The following OSBPL10 variants were observed in gnomAD, a reference collection of about 807,000 sequenced individuals.
The protein encoded by OSBPL10 is oxysterol binding protein like 10.
A neutral mutation model predicts 81.7 loss-of-function variants in OSBPL10; 49 were observed. The observed-to-expected ratio is 0.60, with a 90% CI of 0.48 to 0.76. The LOEUF (loss-of-function observed/expected upper bound fraction) is 0.76. Among genes scored for constraint, OSBPL10 ranks in the 30% least tolerant of loss-of-function variants. The probability of loss-of-function intolerance (pLI) is 0.00; values close to 1 mark genes in which losing one functional copy is unlikely to be tolerated. For missense variants in OSBPL10, 923 were observed against 987.8 expected, an observed-to-expected ratio of 0.93 and a Z score of 0.88; for synonymous variants, 419 against 383.6, an observed-to-expected ratio of 1.09 and a Z score of -1.08.
chr3:32,033,575 A>C (rs1426356312), intron 2 of OSBPL10, among the ~76,000 whole-genome samples: 2 of 152,344 alleles, frequency 1.3e-5, no homozygotes, highest in South Asian at 2.1e-4. Context: ...AAGTGATATC[A>C]ACTTCCCTAG....
chr3:32,028,981 C>CAT (rs1252127228), intron 2 of OSBPL10, among the ~76,000 whole-genome samples: 631 of 149,040 alleles, frequency 4.2e-3, no homozygotes, highest in Non-Finnish European at 7.7e-3. Context: ...CACACACACA[C>CAT]ACACACACCA....
In OSBPL10 at chr3:31,865,748, A is replaced by G. The variant is rs77897068; in HGVS notation, c.537+10685T>C. ...GACCCTAAAATTGCTTAATCATATAAAAGAGGTATTCAGTGTCATTTGTCA... is the reference window on the plus strand; with the variant it reads ...GACCCTAAAATTGCTTAATCATATAGAAGAGGTATTCAGTGTCATTTGTCA... On this transcript the variant is annotated intron_variant, in intron 3 of 11. Coordinates refer to ENST00000396556, the MANE Select transcript of OSBPL10 (RefSeq NM_017784.5). 2.3e-3 allele frequency among the ~76,000 whole-genome samples: 358 copies of G among 152,352 alleles called. 1 individual carries two copies. The highest frequency in any genetic ancestry group is 7.9e-3 in the African/African-American group (329 of 41,580).
chr3:31,683,677 G>T lies in OSBPL10; in HGVS notation c.1683C>A (p.Ser561Arg). 1 of 1,613,962 alleles carries T rather than the reference G, an allele frequency of 6.2e-7. No individual in the cohort carries two copies. The highest frequency in any genetic ancestry group is 8.5e-7 in the Non-Finnish European group (1 of 1,179,866). ...CCCCCACGGACATGCCCATGAACTT[G>T]CTTTTGGTCCATACATGAGTGTTGA... is the stretch of plus-strand genomic sequence containing the variant. ...LCVNTHVWTK[S>R]KFMGMSVGVS... The change falls in exon 8 of 12, where the codon AGC becomes AGA. Residue 561 changes from serine to arginine, a missense_variant. Transcript: ENST00000396556.
At chr3:31,948,032 G>C (rs1697751299) in intron 1 of OSBPL10, among the ~76,000 whole-genome samples, 1 of 152,228 alleles carries the variant, frequency 6.6e-6, no homozygotes, top group African/African-American at 2.4e-5. Context: ...TCACACCAGA[G>C]TGGAGGATGC....
intron 1 of OSBPL10, among the ~76,000 whole-genome samples, chr3:32,047,983 CA>C (rs751885833): frequency 2.8e-4 from 42 of 152,100 alleles, no homozygotes; most frequent in Non-Finnish European, 4.9e-4. Flanking sequence ...GTTTTATCAA[CA>C]AAGTCTTGTG....
At chr3:31,978,770 C>T (rs968512066) in intron 1 of OSBPL10, among the ~76,000 whole-genome samples, 1 of 152,162 alleles carries the variant, frequency 6.6e-6, no homozygotes, top group Non-Finnish European at 1.5e-5. Flanking sequence ...TAAGCATGCT[C>T]AGGAGTGTAC....
chr3:32,019,485 G>T (rs1699342885), intron 2 of OSBPL10, among the ~76,000 whole-genome samples: 3 of 152,170 alleles, frequency 2.0e-5, no homozygotes, highest in Non-Finnish European at 4.4e-5. Context: ...AATAAGCAGA[G>T]ACGTGTGGTA....
At chr3:31,902,039 A>T (rs1696257684) in intron 1 of OSBPL10, among the ~76,000 whole-genome samples, 1 of 152,124 alleles carries the variant, frequency 6.6e-6, no homozygotes, top group Non-Finnish European at 1.5e-5. Context: ...AAAAAACAAA[A>T]GCACCAAACA....
At chr3:31,863,047 T>C (rs1701096430) in intron 3 of OSBPL10, among the ~76,000 whole-genome samples, 1 of 152,148 alleles carries the variant, frequency 6.6e-6, no homozygotes, top group South Asian at 2.1e-4. Flanking sequence ...GGATTAAAAA[T>C]TATGCCATGT....
In OSBPL10 at chr3:31,989,507, G is replaced by A. The variant is rs570687729; in HGVS notation, n.298+56984C>T. The stretch of plus-strand genomic sequence containing the variant: ...ACTGGTAGCACCGACAGATATGATC[G>A]AAGGCATCCTGGAAACAAGCCTATC... On this transcript the variant is annotated intron_variant and non_coding_transcript_variant, in intron 2 of 3. Transcript: ENST00000479173. 136 of 1,614,102 alleles carry A rather than the reference G, an allele frequency of 8.4e-5. 1 individual carries two copies. In the South Asian group the frequency reaches 1.2e-3, roughly 15 times the overall value.
At chr3:31,723,946 A>T (rs894611585) in intron 6 of OSBPL10, among the ~76,000 whole-genome samples, 2 of 152,190 alleles carry the variant, frequency 1.3e-5, no homozygotes, top group Non-Finnish European at 2.9e-5. Flanking sequence ...TTATACTGGT[A>T]TAATTTCATA....
intron 4 of OSBPL10, among the ~76,000 whole-genome samples, chr3:31,755,505 ACTTTGCT>A (rs1697859821): frequency 6.6e-6 from 1 of 152,204 alleles, no homozygotes; most frequent in Non-Finnish European, 1.5e-5. Context: ...ATTCATACTT[ACTTTGCT>A]TTGGACTTCA....
intron 1 of OSBPL10, among the ~76,000 whole-genome samples, chr3:31,963,457 A>C (rs1159447398): frequency 6.6e-6 from 1 of 152,216 alleles, no homozygotes; most frequent in African/African-American, 2.4e-5. Flanking sequence ...TTAATACTTA[A>C]ATGCTGCCAG....
chr3:31,770,829 AAACT>A (rs1370640452), intron 4 of OSBPL10, among the ~76,000 whole-genome samples: 2 of 152,320 alleles, frequency 1.3e-5, no homozygotes, highest in Admixed American at 6.5e-5. Context: ...GCTTCACGGA[AAACT>A]AACAATACAT....
chr3:32,020,964 T>C (rs1271900312), intron 2 of OSBPL10, among the ~76,000 whole-genome samples: 1 of 152,230 alleles, frequency 6.6e-6, no homozygotes, highest in Admixed American at 6.5e-5. Context: ...GTTTCTGCCA[T>C]GGACTCTCTT....
chr3:31,730,475 T>A (rs1482607821), intron 6 of OSBPL10, among the ~76,000 whole-genome samples: 2 of 152,186 alleles, frequency 1.3e-5, no homozygotes, highest in Admixed American at 6.5e-5. Flanking sequence ...CCTTTTTCTA[T>A]CTTGATTTAC....
chr3:31,683,623 A>G lies in OSBPL10; in HGVS notation c.1726+11T>C. On this transcript the variant is annotated intron_variant, in intron 8 of 11. Transcript: ENST00000396556. ...TGTAAGAGCCAAACTCCAACATACG[A>G]CATGGCTTACCTTCCCCTATCATAG... 1.2e-6 allele frequency: 2 copies of G among 1,603,134 alleles called. No individual in the cohort carries two copies. The highest frequency in any genetic ancestry group is 2.2e-5 in the East Asian group (1 of 44,568).
chr3:31,849,744 T>A (rs1020701606), intron 3 of OSBPL10, among the ~76,000 whole-genome samples: 3 of 152,050 alleles, frequency 2.0e-5, no homozygotes, highest in East Asian at 1.9e-4. Context: ...CATGAAAAAA[T>A]TTCCAAGACT....
chr3:31,700,200 G>A (rs780797764), intron 7 of OSBPL10: 4 of 152,202 alleles, frequency 2.6e-5, no homozygotes, highest in Non-Finnish European at 4.4e-5. Flanking sequence ...ACTCAACTGA[G>A]TATTGGGAGA....
Sources: gnomAD v4.1 joint callset for allele counts (sites outside exome capture counted in the v4.1 genomes callset) on GRCh38, gnomAD v4.1.1 for gene constraint, MANE v1.5 for transcripts, NCBI Gene and HGNC (gene_info 2026-07-23, HGNC 2026-07-21) for gene names.